ZNF439: variants seen among roughly 807,000 people sequenced by gnomAD.
ZNF439 encodes the protein zinc finger protein 439.
Under a neutral mutation model 47.3 loss-of-function variants are expected in ZNF439, and 40 were observed. The observed-to-expected ratio is 0.85, with a 90% CI of 0.66 to 1.10. The LOEUF (loss-of-function observed/expected upper bound fraction) is 1.10. ZNF439 is among the 50% of genes least tolerant of loss of function. The pLI is 0.00. For missense variants in ZNF439, 556 were observed against 601.1 expected (o/e 0.93, Z 0.78); for synonymous variants, 171 against 198.8 (o/e 0.86, Z 1.18).
chr19:11,866,073 G>A, intron 1 of ZNF439, 132 bp from the exon 2 acceptor site: 2 of 1,530,426 alleles, frequency 1.3e-6, no homozygotes, highest in Non-Finnish European at 1.7e-6. Flanking sequence ...CAGAGAGAAA[G>A]GGATCTGATG....
Position 11,848,813 on chromosome 19 carries a change from C to T in ZNF439, c.-55C>T. 1 of 1,480,404 alleles carries T rather than the reference C, an allele frequency of 6.8e-7. No individual in the cohort carries two copies. Among genetic ancestry groups the T allele is most frequent in the Non-Finnish European group, 9.1e-7 (1 of 1,100,238 alleles). 91.7% of individuals were successfully genotyped at this position (1,480,404 alleles called of 1,614,324 possible). A position where few individuals can be genotyped will look rare whatever the true frequency, so the allele number is the denominator to read the frequency against. On this transcript the variant is annotated 5_prime_UTR_variant, in exon 1 of 4. Transcript: ENST00000682736. ...GCGGTTGGGATCTGGCCTTTCCAGC[C>T]CCGAGAGGGACCTAGTGCCTCTACC...
In ZNF439 at chr19:11,848,850, C is replaced by T. The variant is rs890249477; in HGVS notation, c.-18C>T. On this transcript the variant is annotated 5_prime_UTR_variant, in exon 1 of 4. Transcript: ENST00000682736. Reference sequence around the variant, plus strand: ...CTAGTGCCTCTACCCAGATTTCTGTCGCTCTGTCACCTGCGCTATGCCCTG... The same window carrying T: ...CTAGTGCCTCTACCCAGATTTCTGTTGCTCTGTCACCTGCGCTATGCCCTG... 50 of 1,548,554 alleles carry T rather than the reference C, an allele frequency of 3.2e-5. No homozygotes were observed. Among genetic ancestry groups the T allele is most frequent in the Admixed American group, 8.7e-5 (5 of 57,264 alleles).
intron 1 of ZNF439, chr19:11,850,469 G>C (rs569896959): frequency 1.1e-3 from 172 of 152,266 alleles, no homozygotes; most frequent in African/African-American, 3.9e-3. Context: ...ATTGGTTGCA[G>C]AGATGCAGTC....
Position 11,868,036 on chromosome 19 carries a change from A to T in ZNF439, c.982A>T (p.Lys328Ter). The T allele has an allele frequency of 6.2e-7, 1 of 1,614,172 alleles. No homozygotes were observed. The change falls in exon 4 of 4, where the codon AAA becomes TAA. Residue 328 changes from lysine to a stop codon, truncating the protein, a stop_gained. Transcript: ENST00000682736. LOFTEE classifies it high-confidence loss of function. Reference protein sequence around the residue: ...VRRHERTHSRKKLYECKQCGK... With the variant: ...VRRHERTHSR Reference sequence around the variant, plus strand: ...TAGACATGAAAGGACCCACTCTAGGAAAAAACTTTATGAATGTAAGCAGTG... The same window carrying T: ...TAGACATGAAAGGACCCACTCTAGGTAAAAACTTTATGAATGTAAGCAGTG...
chr19:11,858,391 G>C (rs1025307546), intron 1 of ZNF439: 1 of 151,350 alleles, frequency 6.6e-6, no homozygotes, highest in Non-Finnish European at 1.5e-5. Context: ...GCGTGAACCC[G>C]GAAGGCGGAG....
intron 1 of ZNF439, among the ~76,000 whole-genome samples, chr19:11,851,388 A>T (rs1976235868): frequency 6.6e-6 from 1 of 152,172 alleles, no homozygotes; most frequent in Non-Finnish European, 1.5e-5. Flanking sequence ...TATTATGGGT[A>T]TTGGGGTATT....
chr19:11,866,528 G>A lies in ZNF439; in HGVS notation c.191-9G>A, dbSNP rs1976688166. The A allele has an allele frequency of 6.2e-7, 1 of 1,612,256 alleles. No homozygotes were observed. Among genetic ancestry groups the A allele is most frequent in the South Asian group, 1.1e-5 (1 of 90,572 alleles). Reference sequence around the variant, plus strand: ...GCCTCAGGATTATTTTTCTGTGTTTGTATTTTAGGAAAAAAGTGGAAAGAC... The same window carrying A: ...GCCTCAGGATTATTTTTCTGTGTTTATATTTTAGGAAAAAAGTGGAAAGAC... On this transcript the variant is annotated splice_polypyrimidine_tract_variant and intron_variant, in intron 2 of 3. Coordinates refer to ENST00000682736, the MANE Select transcript of ZNF439 (RefSeq NM_001348719.2).
At chr19:11,859,677 A>C (rs1392559831) in intron 1 of ZNF439, among the ~76,000 whole-genome samples, 2 of 152,172 alleles carry the variant, frequency 1.3e-5, no homozygotes, top group African/African-American at 4.8e-5. Flanking sequence ...GCCTTATGGA[A>C]ATAGGAAAAA....
chr19:11,865,240 C>G (rs1453816540), intron 1 of ZNF439, among the ~76,000 whole-genome samples: 2 of 152,100 alleles, frequency 1.3e-5, no homozygotes, highest in African/African-American at 4.8e-5. Context: ...CTCATTACAC[C>G]TGGGTATCTC....
intron 1 of ZNF439, among the ~76,000 whole-genome samples, chr19:11,860,726 G>T (rs1038513914): frequency 6.6e-6 from 1 of 152,150 alleles, no homozygotes; most frequent in African/African-American, 2.4e-5. Context: ...GAGATAGAAG[G>T]GGGTGGTTGT....
At chr19:11,865,201 A>G (rs1976640530) in intron 1 of ZNF439, among the ~76,000 whole-genome samples, 1 of 152,204 alleles carries the variant, frequency 6.6e-6, no homozygotes, top group Non-Finnish European at 1.5e-5. Context: ...CTGCCACCCC[A>G]GGAAGGTCGT....
chr19:11,848,998 C>T, intron 1 of ZNF439, 68 bp downstream of exon 1: 1 of 1,443,418 alleles, frequency 6.9e-7, no homozygotes, highest in Non-Finnish European at 9.3e-7. Flanking sequence ...ACCCGGGCCT[C>T]CCTGTGGGCG....
intron 1 of ZNF439, among the ~76,000 whole-genome samples, chr19:11,858,467 GAA>G (rs34251067): frequency 5.8e-4 from 61 of 104,670 alleles, no homozygotes; most frequent in Non-Finnish European, 6.7e-4. Context: ...CTCCATCTCG[GAA>G]AAAAAAAAAA....
At chr19:11,865,506 G>A (rs1487557745) in intron 1 of ZNF439, among the ~76,000 whole-genome samples, 1 of 149,762 alleles carries the variant, frequency 6.7e-6, no homozygotes, top group Non-Finnish European at 1.5e-5. Context: ...CCTGCTCTTG[G>A]CTAGATATCT....
intron 1 of ZNF439, among the ~76,000 whole-genome samples, chr19:11,852,096 A>C (rs960828586): frequency 3.9e-5 from 6 of 152,174 alleles, no homozygotes; most frequent in African/African-American, 1.4e-4. Flanking sequence ...TTTGTGTGAG[A>C]AAGTTAAGAG....
Position 11,866,592 on chromosome 19 carries a change from C to G in ZNF439, c.246C>G (p.Asn82Lys). Reference protein sequence around the residue: ...IEYEYQNPRRNFRSVTEEKVN... With the variant: ...IEYEYQNPRRKFRSVTEEKVN... ...ATGAGTACCAAAACCCCAGGAGAAACTTCAGGTAATTTGCACTTATAAGAG... is the reference window on the plus strand; with the variant it reads ...ATGAGTACCAAAACCCCAGGAGAAAGTTCAGGTAATTTGCACTTATAAGAG... The change falls in exon 3 of 4, where the codon AAC (asparagine) becomes AAG (lysine). Residue 82 changes from asparagine to lysine, a missense_variant. Asn to Lys is a moderately conservative substitution (Grantham distance 94, BLOSUM62 0). Transcript: ENST00000682736. The G allele has an allele frequency of 1.2e-6, 2 of 1,613,260 alleles. No individual in the cohort carries two copies. The highest frequency in any genetic ancestry group is 1.7e-6 in the Non-Finnish European group (2 of 1,179,420).
Position 11,866,573 on chromosome 19 carries a change from A to G in ZNF439, c.227A>G (p.Tyr76Cys), listed in dbSNP as rs762327813. The stretch of plus-strand genomic sequence containing the variant: ...AAAGACCAGAACATTGAATATGAGT[A>G]CCAAAACCCCAGGAGAAACTTCAGG... Reference protein sequence around the residue: ...KWKDQNIEYEYQNPRRNFRSV... With the variant: ...KWKDQNIEYECQNPRRNFRSV... Residue 76 changes from tyrosine to cysteine, a missense_variant, in exon 3 of 4, where the codon TAC becomes TGC. Tyr to Cys is a radical substitution (Grantham distance 194). Transcript: ENST00000682736. 8 of 1,613,678 alleles carry G rather than the reference A, an allele frequency of 5.0e-6. No homozygotes were observed. The South Asian group carries it at 7.7e-5, about 16-fold the overall frequency.
chr19:11,851,167 C>T (rs974420125), intron 1 of ZNF439: 1 of 152,166 alleles, frequency 6.6e-6, no homozygotes, highest in African/African-American at 2.4e-5. Context: ...CAGAGTAGGG[C>T]ATCCTCATAC....
chr19:11,851,583 C>T (rs1976242234), intron 1 of ZNF439, among the ~76,000 whole-genome samples: 1 of 152,018 alleles, frequency 6.6e-6, no homozygotes, highest in African/African-American at 2.4e-5. Flanking sequence ...TTCCCTAACA[C>T]TTATATAGGG....
Sources: allele counts gnomAD v4.1 joint callset (sites outside exome capture counted in the v4.1 genomes callset), GRCh38; gene constraint gnomAD v4.1.1; transcripts MANE v1.5; gene names NCBI Gene and HGNC (gene_info 2026-07-23, HGNC 2026-07-21).